The following SGPP2 variants were observed in gnomAD, a reference collection of about 807,000 sequenced individuals.
SGPP2 encodes sphingosine 1-phosphate phosphohydrolase 2.
In SGPP2, 30 loss-of-function variants were observed where a neutral mutation model predicts 33.9. The ratio of observed to expected loss-of-function variants is 0.89; its 90% CI spans 0.66 to 1.20. The LOEUF is 1.20. Among genes scored for constraint, SGPP2 ranks in the 50% most tolerant of loss-of-function variants. The pLI is 0.00. For synonymous variants in SGPP2, 233 were observed against 225.0 expected (o/e 1.04, Z -0.32); for missense variants, 458 against 532.1 (o/e 0.86, Z 1.37).
chr2:222,463,631 G>C (rs1697698546), intron 1 of SGPP2, among the ~76,000 whole-genome samples: 2 of 152,110 alleles, frequency 1.3e-5, no homozygotes, highest in South Asian at 4.1e-4. Flanking sequence ...TAACATGACT[G>C]TCCTGAAAGA....
intron 2 of SGPP2, among the ~76,000 whole-genome samples, chr2:222,511,144 G>A (rs139992872): frequency 5.3e-5 from 8 of 152,210 alleles, no homozygotes; most frequent in East Asian, 3.9e-4. Context: ...AAAAAGTGCC[G>A]TTTTCTCTGC....
chr2:222,497,344 C>G (rs939256635), intron 2 of SGPP2, among the ~76,000 whole-genome samples: 1 of 151,358 alleles, frequency 6.6e-6, no homozygotes, highest in African/African-American at 2.4e-5. Flanking sequence ...CCTCCGCCTC[C>G]CAGGTTCAGG....
chr2:222,475,726 CT>C (rs1286634467), intron 2 of SGPP2, among the ~76,000 whole-genome samples: 2 of 152,114 alleles, frequency 1.3e-5, no homozygotes, highest in Non-Finnish European at 2.9e-5. Context: ...CAAATGAGTT[CT>C]GATTTTGTGT....
At chr2:222,464,573 C>T (rs1052769959) in intron 1 of SGPP2, among the ~76,000 whole-genome samples, 1 of 152,190 alleles carries the variant, frequency 6.6e-6, no homozygotes, top group African/African-American at 2.4e-5. Flanking sequence ...GCCTCTACCA[C>T]CCAGGTTCAA....
At chr2:222,548,579 A>C (rs1057119357) in intron 4 of SGPP2, among the ~76,000 whole-genome samples, 17 of 152,230 alleles carry the variant, frequency 1.1e-4, no homozygotes, top group African/African-American at 3.9e-4. Context: ...TTTCGGTGAC[A>C]GAGTGCCCAC....
In SGPP2 at chr2:222,465,270, G is replaced by A. The variant is rs1368385439; in HGVS notation, c.220-9298G>A. Among the ~76,000 whole-genome samples the A allele has an allele frequency of 3.3e-5, 5 of 152,306 alleles. No individual in the cohort carries two copies. Among genetic ancestry groups the A allele is most frequent in the Middle Eastern group, 3.4e-3 (1 of 294 alleles). The stretch of plus-strand genomic sequence containing the variant: ...AGACATTGGCTAGATCACCCAACTT[G>A]TAATTCTATCTGGACTTGAAGATGA... On this transcript the variant is annotated intron_variant, in intron 1 of 4. Transcript: ENST00000321276. The surrounding 1 kb of genome is among the most constrained non-coding windows in gnomAD (Gnocchi z 4.1).
chr2:222,535,928 G>C (rs1285826897), intron 4 of SGPP2, among the ~76,000 whole-genome samples: 1 of 152,216 alleles, frequency 6.6e-6, no homozygotes, highest in Non-Finnish European at 1.5e-5. Flanking sequence ...CTCGATAAAG[G>C]CTTAAAGTCT....
intron 2 of SGPP2, among the ~76,000 whole-genome samples, chr2:222,493,979 C>G (rs1698237516): frequency 6.6e-6 from 1 of 152,232 alleles, no homozygotes; most frequent in Non-Finnish European, 1.5e-5. Context: ...TAATTTCCCT[C>G]TGTTTTAATC....
chr2:222,438,900 A>G (rs897126848), intron 1 of SGPP2, among the ~76,000 whole-genome samples: 3 of 152,170 alleles, frequency 2.0e-5, no homozygotes, highest in Admixed American at 2.0e-4. Flanking sequence ...TCCCGCCATA[A>G]TAGCCCTCAC....
At chr2:222,464,578 G>A (rs1182872136) in intron 1 of SGPP2, among the ~76,000 whole-genome samples, 1 of 152,164 alleles carries the variant, frequency 6.6e-6, no homozygotes, top group East Asian at 1.9e-4. Flanking sequence ...TACCACCCAG[G>A]TTCAAACAAT....
intron 1 of SGPP2, chr2:222,452,999 G>A: frequency 6.3e-7 from 1 of 1,585,604 alleles, no homozygotes. Flanking sequence ...GGGTGGAAGA[G>A]AACACAGTTC....
chr2:222,539,225 G>A (rs115756041), intron 4 of SGPP2, among the ~76,000 whole-genome samples: 4 of 152,280 alleles, frequency 2.6e-5, no homozygotes, highest in Non-Finnish European at 5.9e-5. Flanking sequence ...CAAAAGAAAG[G>A]GGCCGCAGTC....
At chr2:222,430,009 C>T (rs779522131) in intron 1 of SGPP2, among the ~76,000 whole-genome samples, 1 of 152,196 alleles carries the variant, frequency 6.6e-6, no homozygotes, top group Non-Finnish European at 1.5e-5. Context: ...TGGGACAGTC[C>T]TCAGACTTAG....
intron 2 of SGPP2, among the ~76,000 whole-genome samples, chr2:222,488,943 T>C (rs1424182722): frequency 1.7e-4 from 26 of 152,212 alleles, no homozygotes; most frequent in Admixed American, 1.6e-3. Context: ...TTCAAATACA[T>C]AGCAATTTGA....
upstream of SGPP2, chr2:222,424,380 C>A (rs375809006): frequency 1.5e-4 from 28 of 183,948 alleles, 2 homozygotes; most frequent in South Asian, 4.9e-3. Flanking sequence ...CGCCCAAGCC[C>A]TCCGGGACGG....
intron 1 of SGPP2, among the ~76,000 whole-genome samples, chr2:222,437,656 TG>T (rs1479290752): frequency 6.6e-6 from 1 of 152,182 alleles, no homozygotes; most frequent in Non-Finnish European, 1.5e-5. Flanking sequence ...CATTTGATGA[TG>T]GAATGCTGCT....
intron 2 of SGPP2, among the ~76,000 whole-genome samples, chr2:222,503,001 G>A (rs1321605144): frequency 6.6e-6 from 1 of 152,204 alleles, no homozygotes; most frequent in Admixed American, 6.5e-5. Flanking sequence ...GTTAAGTAAT[G>A]TATAACTGGT....
chr2:222,516,883 T>C (rs890137148), intron 2 of SGPP2, among the ~76,000 whole-genome samples: 3 of 152,250 alleles, frequency 2.0e-5, no homozygotes, highest in Non-Finnish European at 4.4e-5. Context: ...GTGTTTTGCA[T>C]ACATTTTCTC....
Position 222,521,942 on chromosome 2 carries a change from AC to A in SGPP2, c.556del (p.Gln186SerfsTer9). The A allele has an allele frequency of 6.5e-7, 1 of 1,528,098 alleles. No homozygotes were observed. The highest frequency in any genetic ancestry group is 8.8e-7 in the Non-Finnish European group (1 of 1,137,972). The allele number at this position is 1,528,098 out of a possible 1,614,324, so 94.7% of individuals were successfully genotyped here. A position where few individuals can be genotyped will look rare whatever the true frequency, so the allele number is the denominator to read the frequency against. ...FTLLISTMDRYQYPFVLGLVM... is the reference protein window; with the variant it reads ...FTLLISTMDRXQYPFVLGLVM... ...CTCCTTATCTCTACTATGGACAGAT[AC>A]CAGGTAAGGTGGCCTGGTTCTTCTT... On this transcript the variant is annotated frameshift_variant, in exon 3 of 5. Transcript: ENST00000321276. LOFTEE classifies it high-confidence loss of function.
Sources: allele counts gnomAD v4.1 joint callset (sites outside exome capture counted in the v4.1 genomes callset), GRCh38; gene constraint gnomAD v4.1.1; non-coding constraint Gnocchi (gnomAD v3.1); transcripts MANE v1.5; gene names NCBI Gene and HGNC (gene_info 2026-07-23, HGNC 2026-07-21).